GRID2: variants seen among roughly 807,000 people sequenced by gnomAD.
GRID2 encodes the protein glutamate ionotropic receptor delta type subunit 2.
A neutral mutation model predicts 114.8 loss-of-function variants in GRID2; 33 were observed. That is an observed-to-expected ratio of 0.29 (90% CI 0.22 to 0.38). The LOEUF is 0.38. Ranked by LOEUF, GRID2 falls within the 10% of genes least tolerant of loss-of-function variation. The pLI, the probability that GRID2 is intolerant of heterozygous loss-of-function variation, is 1.00. For missense variants in GRID2, 1,184 were observed against 1,257.7 expected (o/e 0.94, Z 0.89); for synonymous variants, 505 against 449.9 (o/e 1.12, Z -1.55).
At chr4:93,680,546 C>T (rs375712682) in intron 14 of GRID2, among the ~76,000 whole-genome samples, 6 of 151,310 alleles carry the variant, frequency 4.0e-5, no homozygotes, top group South Asian at 2.1e-4. Context: ...ACTGGCAAAC[C>T]GAATCCAGCA....
intron 11 of GRID2, among the ~76,000 whole-genome samples, chr4:93,483,878 G>A (rs1027441352): frequency 2.0e-5 from 3 of 151,728 alleles, no homozygotes; most frequent in Admixed American, 2.0e-4. Context: ...ACACTCTGAA[G>A]TGTCATGAAG....
chr4:93,326,787 G>A (rs188043736), intron 8 of GRID2, among the ~76,000 whole-genome samples: 4 of 152,024 alleles, frequency 2.6e-5, no homozygotes, highest in Non-Finnish European at 5.9e-5. Context: ...TTATCATTCA[G>A]TTACCCTTAC....
At chr4:92,812,116 T>C (rs373492375) in intron 2 of GRID2, among the ~76,000 whole-genome samples, 3 of 152,288 alleles carry the variant, frequency 2.0e-5, no homozygotes, top group South Asian at 2.1e-4. Context: ...TGAATGAACA[T>C]TGTTTTTAGC....
intron 14 of GRID2, among the ~76,000 whole-genome samples, chr4:93,692,123 G>A (rs1347505714): frequency 6.6e-6 from 1 of 151,994 alleles, no homozygotes; most frequent in East Asian, 1.9e-4. Flanking sequence ...CAGTGAAAAG[G>A]CAAATAAGTA....
At chr4:93,245,369 G>A (rs1270100773) in intron 8 of GRID2, among the ~76,000 whole-genome samples, 5 of 152,084 alleles carry the variant, frequency 3.3e-5, no homozygotes, top group Admixed American at 3.3e-4. Context: ...ATGTTAGTGG[G>A]TGTTACACTC....
At chr4:92,887,815 T>G (rs1431527499) in intron 2 of GRID2, among the ~76,000 whole-genome samples, 1 of 152,212 alleles carries the variant, frequency 6.6e-6, no homozygotes, top group East Asian at 1.9e-4. Context: ...TAAAATCTGA[T>G]TCTGTCCTTA....
rs117858958 is a variant in GRID2, at chr4:93,791,514, T to C, written c.222-15201T>C. Among the ~76,000 whole-genome samples the C allele has an allele frequency of 3.6e-4, 55 of 152,156 alleles. No homozygotes were observed. In the East Asian group the frequency reaches 9.4e-3, roughly 26 times the overall value. Reference sequence around the variant, plus strand: ...GACTAAAAACGGTCTTTATATTTGTTGTCCAAAAAAAAAGGAAAGACTAAC... The same window carrying C: ...GACTAAAAACGGTCTTTATATTTGTCGTCCAAAAAAAAAGGAAAGACTAAC... On this transcript the variant is annotated intron_variant, in intron 1 of 1. Transcript: ENST00000637838.
intron 13 of GRID2, among the ~76,000 whole-genome samples, chr4:93,604,631 T>C (rs888735274): frequency 1.3e-5 from 2 of 152,162 alleles, no homozygotes; most frequent in Non-Finnish European, 2.9e-5. Flanking sequence ...GAGAAATCTT[T>C]TGTGAAAGAA....
intron 14 of GRID2, among the ~76,000 whole-genome samples, chr4:93,662,305 C>A (rs1434891737): frequency 1.3e-5 from 2 of 152,094 alleles, no homozygotes; most frequent in Non-Finnish European, 2.9e-5. Flanking sequence ...TTCTCTATGG[C>A]ACCACCACCA....
At chr4:92,896,514 T>C (rs1747174941) in intron 2 of GRID2, among the ~76,000 whole-genome samples, 2 of 151,474 alleles carry the variant, frequency 1.3e-5, no homozygotes, top group African/African-American at 2.4e-5. Context: ...CTATCTTTAT[T>C]ATGAGATCTT....
At chr4:92,467,390 A>G (rs1172330384) in intron 1 of GRID2, among the ~76,000 whole-genome samples, 1 of 151,968 alleles carries the variant, frequency 6.6e-6, no homozygotes, top group African/African-American at 2.4e-5. Context: ...TACTTCGTTA[A>G]TAACACTTCA....
chr4:93,375,188 C>T (rs1763258725), intron 8 of GRID2, among the ~76,000 whole-genome samples: 1 of 151,608 alleles, frequency 6.6e-6, no homozygotes, highest in Admixed American at 6.6e-5. Flanking sequence ...TATCTTTACC[C>T]TCCATGGGAG....
At chr4:93,556,955 A>G (rs1382014479) in intron 13 of GRID2, among the ~76,000 whole-genome samples, 1 of 152,220 alleles carries the variant, frequency 6.6e-6, no homozygotes, top group Non-Finnish European at 1.5e-5. Context: ...GTTAAAGAAA[A>G]GAATTTCAAC....
chr4:92,390,216 C>T (rs1030015158), intron 1 of GRID2, among the ~76,000 whole-genome samples: 1 of 152,044 alleles, frequency 6.6e-6, no homozygotes, highest in Non-Finnish European at 1.5e-5. Context: ...GGCTAGTTAC[C>T]TTCATGTACT....
At chr4:92,783,843 T>C (rs1387089659) in intron 2 of GRID2, among the ~76,000 whole-genome samples, 1 of 151,962 alleles carries the variant, frequency 6.6e-6, no homozygotes, top group Non-Finnish European at 1.5e-5. Flanking sequence ...GTTATGATCA[T>C]GCTACTGCAC....
At chr4:92,987,684 A>T (rs1471146430) in intron 2 of GRID2, among the ~76,000 whole-genome samples, 5 of 152,156 alleles carry the variant, frequency 3.3e-5, no homozygotes, top group Admixed American at 6.5e-5. Flanking sequence ...TTTTCTTCTA[A>T]TGAGATGATA....
intron 2 of GRID2, among the ~76,000 whole-genome samples, chr4:92,820,628 A>T (rs992562011): frequency 6.6e-6 from 1 of 152,036 alleles, no homozygotes; most frequent in Admixed American, 6.6e-5. Flanking sequence ...TCCTATAAAT[A>T]CCCTGGAAAT....
chr4:93,232,451 T>A (rs1746258178), intron 7 of GRID2, among the ~76,000 whole-genome samples: 1 of 151,188 alleles, frequency 6.6e-6, no homozygotes, highest in Non-Finnish European at 1.5e-5. Context: ...ATGTCAAATA[T>A]TTAAGTACCA....
intron 14 of GRID2, among the ~76,000 whole-genome samples, chr4:93,741,924 CA>C (rs34316739): frequency 0.013 from 1,367 of 106,428 alleles, 16 homozygotes; most frequent in African/African-American, 0.04. Context: ...GACTCTGTCT[CA>C]AAAAAAAAAA....
Sources: gnomAD v4.1 joint callset for allele counts (sites outside exome capture counted in the v4.1 genomes callset) on GRCh38, gnomAD v4.1.1 for gene constraint, MANE v1.5 for transcripts, NCBI Gene and HGNC (gene_info 2026-07-23, HGNC 2026-07-21) for gene names.